The following CAB39 variants were observed in gnomAD, a reference collection of about 807,000 sequenced individuals.
The protein encoded by CAB39 is calcium binding protein 39.
A neutral mutation model predicts 40.0 loss-of-function variants in CAB39; 8 were observed. The ratio of observed to expected loss-of-function variants is 0.20; its 90% CI spans 0.12 to 0.36. The LOEUF (loss-of-function observed/expected upper bound fraction) is 0.36. CAB39 is among the 10% of genes least tolerant of loss of function. The pLI, the probability that CAB39 is intolerant of heterozygous loss-of-function variation, is 1.00. For missense variants in CAB39, 270 were observed against 401.1 expected (o/e 0.67, Z 2.79); for synonymous variants, 156 against 141.6 (o/e 1.10, Z -0.72).
chr2:230,808,530 C>T (rs528615415), intron 5 of CAB39, among the ~76,000 whole-genome samples: 8 of 152,336 alleles, frequency 5.3e-5, no homozygotes, highest in South Asian at 2.1e-4. Context: ...CCATGGACCA[C>T]GGTACGAAGA....
intron 4 of CAB39, among the ~76,000 whole-genome samples, chr2:230,795,942 A>G (rs143182545): frequency 5.8e-4 from 89 of 152,194 alleles, no homozygotes; most frequent in African/African-American, 2.1e-3. Flanking sequence ...TTGTCTTTTT[A>G]AAAATTATAT....
chr2:230,772,979 C>CAAAAA (rs1402536381), intron 2 of CAB39, among the ~76,000 whole-genome samples: 4 of 60,898 alleles, frequency 6.6e-5, no homozygotes, highest in African/African-American at 1.7e-4. Flanking sequence ...TACTACTCAG[C>CAAAAA]AATAAAAAAA....
At chr2:230,796,573 G>C (rs1695991336) in intron 4 of CAB39, among the ~76,000 whole-genome samples, 1 of 152,054 alleles carries the variant, frequency 6.6e-6, no homozygotes, top group Non-Finnish European at 1.5e-5. Context: ...CAGCCATTTT[G>C]TGAGCAGATA....
At chr2:230,812,067 T>C (rs990746119) in intron 6 of CAB39, among the ~76,000 whole-genome samples, 1 of 152,224 alleles carries the variant, frequency 6.6e-6, no homozygotes. Flanking sequence ...TGCTCTAAAT[T>C]CTGATCCAGT....
At chr2:230,752,307 A>T (rs1167012982) in intron 1 of CAB39, 2 of 152,018 alleles carry the variant, frequency 1.3e-5, no homozygotes, top group Admixed American at 1.3e-4. Context: ...ACCAGATCTC[A>T]CACAACATCT....
Position 230,798,842 on chromosome 2 carries a change from G to C in CAB39, c.512G>C (p.Arg171Thr), listed in dbSNP as rs1696035729. 9.3e-6 allele frequency: 15 copies of C among 1,609,694 alleles called. No individual in the cohort carries two copies. The highest frequency in any genetic ancestry group is 1.3e-5 in the Non-Finnish European group (15 of 1,177,306). The change falls in exon 5 of 9, where the codon AGA (arginine) becomes ACA (threonine). Residue 171 changes from arginine to threonine, a missense_variant. Physicochemically the swap from Arg to Thr is moderately conservative, Grantham distance 71. Transcript: ENST00000258418. ...TCGGAACAGTTTTATGATTTCTTCA[G>C]ATATGTCGAAATGTCAACATTTGAC... ...LWSEQFYDFF[R>T]YVEMSTFDIA...
chr2:230,759,864 C>T lies in CAB39; in HGVS notation c.-43-95C>T, dbSNP rs1575926831. ...TTTGAAAGTTATGTAAAATGACTTG[C>T]CTAAACACGGGTTTTCTTCCCAGAT... On this transcript the variant is annotated intron_variant, in intron 1 of 8. Transcript: ENST00000258418. 5 of 519,156 alleles carry T rather than the reference C, an allele frequency of 9.6e-6. No homozygotes were observed. The East Asian group carries it at 1.5e-4, about 15-fold the overall frequency. The allele number at this position is 519,156 out of a possible 1,614,324, so 32.2% of individuals were successfully genotyped here.
chr2:230,770,575 T>A (rs1695464072), intron 2 of CAB39, among the ~76,000 whole-genome samples: 1 of 152,234 alleles, frequency 6.6e-6, no homozygotes, highest in Non-Finnish European at 1.5e-5. Flanking sequence ...AGAGAAATCA[T>A]TCTTAACTCA....
At chr2:230,733,811 T>G (rs1003260976) in intron 1 of CAB39, among the ~76,000 whole-genome samples, 1 of 152,244 alleles carries the variant, frequency 6.6e-6, no homozygotes, top group Non-Finnish European at 1.5e-5. Flanking sequence ...ACCAGGAGTT[T>G]CACAAGATCG....
chr2:230,716,291 A>G (rs965579361), intron 1 of CAB39, among the ~76,000 whole-genome samples: 7 of 152,166 alleles, frequency 4.6e-5, no homozygotes, highest in South Asian at 2.1e-4. Flanking sequence ...CAGGGTCTTT[A>G]TTACCTTGGA....
In CAB39 at chr2:230,766,776, G is replaced by T. The variant is rs1043937860; in HGVS notation, c.114+6661G>T. ...ACTCCCGGGCTTAAGCTTCAGCCCAGTTGGCCTCCCAAATTGCTGGGATTG... is the reference window on the plus strand; with the variant it reads ...ACTCCCGGGCTTAAGCTTCAGCCCATTTGGCCTCCCAAATTGCTGGGATTG... On this transcript the variant is annotated intron_variant, in intron 2 of 8. Coordinates refer to ENST00000258418, the MANE Select transcript of CAB39 (RefSeq NM_016289.4). Among the ~76,000 whole-genome samples the T allele has an allele frequency of 3.3e-5, 5 of 152,322 alleles. No homozygotes were observed. The South Asian group carries it at 1.0e-3, about 32-fold the overall frequency.
chr2:230,717,162 A>AT (rs201849164), intron 1 of CAB39, among the ~76,000 whole-genome samples: 20 of 151,562 alleles, frequency 1.3e-4, no homozygotes, highest in East Asian at 1.2e-3. Flanking sequence ...ACTGGTAAAC[A>AT]TTTTTTTTTA....
chr2:230,792,287 G>A lies in CAB39; in HGVS notation c.280-926G>A, dbSNP rs549748086. ...CCTTCTCCTTTGTCTGCCTCCACCC[G>A]ACCTGGACACTGAATTTAATATTTA... On this transcript the variant is annotated intron_variant, in intron 3 of 8. Transcript: ENST00000258418. Among the ~76,000 whole-genome samples the A allele has an allele frequency of 1.4e-4, 22 of 152,218 alleles. No homozygotes were observed. In the East Asian group the frequency reaches 1.9e-3, roughly 13 times the overall value.
intron 2 of CAB39, among the ~76,000 whole-genome samples, chr2:230,773,747 T>C (rs1184745823): frequency 6.6e-6 from 1 of 152,116 alleles, no homozygotes; most frequent in Non-Finnish European, 1.5e-5. Flanking sequence ...TGGGAGACCA[T>C]ATAATGTAAC....
intron 1 of CAB39, among the ~76,000 whole-genome samples, chr2:230,757,983 T>A (rs1428799431): frequency 6.6e-6 from 1 of 152,134 alleles, no homozygotes; most frequent in Non-Finnish European, 1.5e-5. Context: ...AGAAAAGTTA[T>A]TTAGAAGTGG....
intron 2 of CAB39, among the ~76,000 whole-genome samples, chr2:230,788,083 T>C (rs912010095): frequency 2.8e-4 from 43 of 152,222 alleles, no homozygotes; most frequent in African/African-American, 9.9e-4. Flanking sequence ...TGCTTAACGC[T>C]GAGGTTTTGT....
intron 7 of CAB39, among the ~76,000 whole-genome samples, chr2:230,814,628 G>A (rs980120447): frequency 1.2e-4 from 19 of 152,294 alleles, no homozygotes; most frequent in Admixed American, 5.9e-4. Context: ...GCTAAATCCA[G>A]CCAGCTGCCT....
At chr2:230,782,815 T>TTCTTTCTC (rs1553674482) in intron 2 of CAB39, among the ~76,000 whole-genome samples, 23 of 127,506 alleles carry the variant, frequency 1.8e-4, no homozygotes, top group Admixed American at 2.3e-4. Context: ...CTTTCTTTCT[T>TTCTTTCTC]TTTTTTTTTT....
At chr2:230,772,506 A>G (rs1695500109) in intron 2 of CAB39, among the ~76,000 whole-genome samples, 1 of 144,924 alleles carries the variant, frequency 6.9e-6, no homozygotes, top group Non-Finnish European at 1.5e-5. Flanking sequence ...TTTTTTTGAG[A>G]CGAAGTCTCA....
Sources: allele counts gnomAD v4.1 joint callset (sites outside exome capture counted in the v4.1 genomes callset), GRCh38; gene constraint gnomAD v4.1.1; transcripts MANE v1.5; gene names NCBI Gene and HGNC (gene_info 2026-07-23, HGNC 2026-07-21).